The following STK32C variants were observed in gnomAD, a reference collection of about 807,000 sequenced individuals.
The protein encoded by STK32C is serine/threonine-protein kinase 32C.
A neutral mutation model predicts 56.5 loss-of-function variants in STK32C; 31 were observed. The observed-to-expected ratio is 0.55, with a 90% CI of 0.41 to 0.74. The LOEUF is 0.74. STK32C is among the 30% of genes least tolerant of loss of function. The pLI, the probability that STK32C is intolerant of heterozygous loss-of-function variation, is 0.00. For missense variants in STK32C, 544 were observed against 676.9 expected, an observed-to-expected ratio of 0.80 and a Z score of 2.18; for synonymous variants, 309 against 289.4, an observed-to-expected ratio of 1.07 and a Z score of -0.69.
rs1449551180 is a variant in STK32C, at chr10:132,307,606, G to A, written c.228C>T (p.Thr76=). Residue 76 remains threonine, a synonymous_variant, in exon 1 of 12, where the codon ACC becomes ACT. Transcript: ENST00000298630. This position sits in a 1 kb window ranked among gnomAD's most constrained non-coding sequence, Gnocchi z 4.4. Reference sequence around the variant, plus strand: ...TGTCGTCAAACACCGGCCTCCGCGCGGTGGCCGCCGACATGGACGAGCCCA... The same window carrying A: ...TGTCGTCAAACACCGGCCTCCGCGCAGTGGCCGCCGACATGGACGAGCCCA... ...KRMGSSMSAA[T]ARRPVFDDKE... is the part of the protein sequence containing the mutation. 7.1e-6 allele frequency: 11 copies of A among 1,560,238 alleles called. No individual in the cohort carries two copies. Among genetic ancestry groups the A allele is most frequent in the East Asian group, 2.7e-5 (1 of 37,698 alleles).
intron 1 of STK32C, among the ~76,000 whole-genome samples, chr10:132,298,474 G>C (rs1030611062): frequency 9.2e-5 from 14 of 152,290 alleles, no homozygotes; most frequent in Admixed American, 9.1e-4. Context: ...TTCCGATGCG[G>C]GGTCCAGCTC....
Position 132,307,329 on chromosome 10 carries a change from C to G in STK32C, c.262+243G>C. The stretch of plus-strand genomic sequence containing the variant: ...AGACGCCACAGCCGCGGGGGACCCT[C>G]GCCCCGAGGGCCCGGGCCCAGCCTG... On this transcript the variant is annotated intron_variant, in intron 1 of 11. Coordinates refer to ENST00000298630, the MANE Select transcript of STK32C (RefSeq NM_173575.4). The surrounding 1 kb of genome is among the most constrained non-coding windows in gnomAD (Gnocchi z 4.4). 2.8e-6 allele frequency: 1 copy of G among 360,392 alleles called. No homozygotes were observed. Among genetic ancestry groups the G allele is most frequent in the East Asian group, 5.2e-5 (1 of 19,296 alleles). 22.3% of individuals were successfully genotyped at this position (360,392 alleles called of 1,614,324 possible).
At chr10:132,315,048 C>A (rs763317218) in intron 1 of STK32C, among the ~76,000 whole-genome samples, 44 of 152,142 alleles carry the variant, frequency 2.9e-4, no homozygotes, top group Admixed American at 3.3e-4. Flanking sequence ...ACAGGAGAAT[C>A]ATTCGAACCT....
At chr10:132,289,592 T>C (rs1179384543) in intron 1 of STK32C, among the ~76,000 whole-genome samples, 3 of 152,232 alleles carry the variant, frequency 2.0e-5, no homozygotes, top group Non-Finnish European at 4.4e-5. Context: ...ATTTATTTCT[T>C]ACAGCTGTAA....
chr10:132,240,673 G>A (rs562003328), intron 2 of STK32C, among the ~76,000 whole-genome samples: 4 of 152,232 alleles, frequency 2.6e-5, no homozygotes, highest in South Asian at 2.1e-4. Flanking sequence ...CCTGGGAAAT[G>A]CGGACGCCGT....
At chr10:132,321,425 C>T (rs1261243156), downstream of STK32C, among the ~76,000 whole-genome samples, 1 of 152,194 alleles carries the variant, frequency 6.6e-6, no homozygotes, top group Admixed American at 6.5e-5. Context: ...TCACCCTCCA[C>T]ATAGCCTGCT....
chr10:132,308,689 C>A (rs1304345503), upstream of STK32C, among the ~76,000 whole-genome samples: 1 of 152,206 alleles, frequency 6.6e-6, no homozygotes, highest in African/African-American at 2.4e-5. Context: ...TCCTCGCGAC[C>A]CCCGTCCGGC....
intron 1 of STK32C, among the ~76,000 whole-genome samples, chr10:132,299,770 T>C (rs2138359236): frequency 6.6e-6 from 1 of 152,340 alleles, no homozygotes; most frequent in Middle Eastern, 3.4e-3. Flanking sequence ...AGTGGAACAA[T>C]GTGTCCCCTG....
chr10:132,258,513 G>A (rs533879012), intron 1 of STK32C, among the ~76,000 whole-genome samples: 1 of 152,356 alleles, frequency 6.6e-6, no homozygotes, highest in South Asian at 2.1e-4. Context: ...TGGGTGCCTA[G>A]GCCAGCGCGT....
At chr10:132,326,603 G>T (rs1590520663) in intron 1 of STK32C, among the ~76,000 whole-genome samples, 1 of 152,210 alleles carries the variant, frequency 6.6e-6, no homozygotes, top group Non-Finnish European at 1.5e-5. Context: ...GATTACAGGC[G>T]TGAGCCACCT....
Position 132,237,290 on chromosome 10 carries a change from C to CA in STK32C, c.318+8609dup, listed in dbSNP as rs1257230078. Among the ~76,000 whole-genome samples the CA allele has an allele frequency of 6.6e-5, 10 of 152,320 alleles. No homozygotes were observed. The East Asian group carries it at 1.9e-3, about 29-fold the overall frequency. On this transcript the variant is annotated intron_variant, in intron 2 of 11. Coordinates refer to ENST00000298630, the MANE Select transcript of STK32C (RefSeq NM_173575.4). Reference sequence around the variant, plus strand: ...CAAGCCAGGTGACCTGACCAGAGGCCAGTAGGGCCACCTCTCTGGCCTCAG... The same window carrying CA: ...CAAGCCAGGTGACCTGACCAGAGGCCAAGTAGGGCCACCTCTCTGGCCTCAG...
At chr10:132,243,711 G>C (rs1041117448) in intron 2 of STK32C, among the ~76,000 whole-genome samples, 1 of 152,190 alleles carries the variant, frequency 6.6e-6, no homozygotes, top group African/African-American at 2.4e-5. Context: ...ATCCATTTCC[G>C]AGAGCGGCGG....
intron 1 of STK32C, among the ~76,000 whole-genome samples, chr10:132,253,552 G>A (rs1163443930): frequency 6.8e-6 from 1 of 147,184 alleles, no homozygotes; most frequent in Non-Finnish European, 1.5e-5. Context: ...AGTCGAGGGA[G>A]CTGGAGGGAG....
intron 1 of STK32C, among the ~76,000 whole-genome samples, chr10:132,277,824 C>T (rs2065035248): frequency 6.6e-6 from 1 of 152,124 alleles, no homozygotes; most frequent in Non-Finnish European, 1.5e-5. Context: ...AGGAACCTGG[C>T]TTCTCACCCG....
At position 132,324,241 on chromosome 10, in the gene STK32C, C is replaced by T. The variant is rs1590514319; in HGVS notation, c.434G>A (p.Gly145Asp). ...AAATTCATTAACAATTCATTACACACCCCCTCTTGATGGGCCACAGAACAC... is the reference window on the plus strand; with the variant it reads ...AAATTCATTAACAATTCATTACACATCCCCTCTTGATGGGCCACAGAACAC... Residue 145 changes from glycine (G) to aspartate (D), a missense_variant, in exon 2 of 2, where the codon GGT (glycine) becomes GAT (aspartate). Physicochemically the swap from Gly to Asp is moderately conservative, Grantham distance 94. Coordinates refer to the STK32C transcript ENST00000368619. The T allele has an allele frequency of 1.4e-5, 11 of 779,768 alleles. No individual in the cohort carries two copies. The East Asian group carries it at 2.7e-4, about 19-fold the overall frequency. The allele number at this position is 779,768 out of a possible 1,614,324, so 48.3% of individuals were successfully genotyped here.
At chr10:132,329,633 T>C (rs532910259) in intron 1 of STK32C, among the ~76,000 whole-genome samples, 3 of 152,114 alleles carry the variant, frequency 2.0e-5, no homozygotes, top group Non-Finnish European at 4.4e-5. Flanking sequence ...AACTGGAAGA[T>C]CGTAAACTGA....
chr10:132,235,511 A>AAAAAAAG (rs2063253628), intron 2 of STK32C, among the ~76,000 whole-genome samples: 1 of 151,218 alleles, frequency 6.6e-6, no homozygotes, highest in Non-Finnish European at 1.5e-5. Flanking sequence ...AAAAAAAAAA[A>AAAAAAAG]AAAGGAAAGA....
downstream of STK32C, among the ~76,000 whole-genome samples, chr10:132,320,732 G>A (rs903279488): frequency 3.3e-5 from 5 of 152,180 alleles, no homozygotes; most frequent in Non-Finnish European, 7.3e-5. Flanking sequence ...AGGGCCTGGA[G>A]GAGCCTGGCT....
At chr10:132,325,432 AGT>A (rs1399850523) in intron 1 of STK32C, among the ~76,000 whole-genome samples, 2 of 151,878 alleles carry the variant, frequency 1.3e-5, no homozygotes, top group African/African-American at 4.8e-5. Context: ...GGGTGCCTGT[AGT>A]CCCAGCTACT....
Sources: gnomAD v4.1 joint callset for allele counts (sites outside exome capture counted in the v4.1 genomes callset) on GRCh38, gnomAD v4.1.1 for gene constraint, Gnocchi (gnomAD v3.1) non-coding constraint, MANE v1.5 for transcripts, NCBI Gene and HGNC (gene_info 2026-07-23, HGNC 2026-07-21) for gene names.